NBAS: variants seen among roughly 807,000 people sequenced by gnomAD.
The protein encoded by NBAS is NBAS subunit of NRZ tethering complex, also known as NAG/BC035112 fusion.
NBAS carries 219 observed loss-of-function variants against 302.5 expected under a neutral mutation model. The ratio of observed to expected loss-of-function variants is 0.72; its 90% CI spans 0.65 to 0.81. The LOEUF (loss-of-function observed/expected upper bound fraction) is 0.81. NBAS is among the 30% of genes least tolerant of loss of function. The probability of loss-of-function intolerance (pLI) is 0.00; values close to 1 mark genes in which losing one functional copy is unlikely to be tolerated. For missense variants in NBAS, 2,932 were observed against 2,841.6 expected (o/e 1.03, Z -0.72); for synonymous variants, 1,118 against 1,021.6 (o/e 1.09, Z -1.80).
intron 21 of NBAS, among the ~76,000 whole-genome samples, chr2:15,444,955 A>T (rs1346694044): frequency 6.7e-6 from 1 of 149,842 alleles, no homozygotes; most frequent in African/African-American, 2.4e-5. Flanking sequence ...CCACAATGAG[A>T]TACCATCTCA....
intron 48 of NBAS, among the ~76,000 whole-genome samples, chr2:15,202,653 C>A (rs1464487270): frequency 6.6e-6 from 1 of 152,120 alleles, no homozygotes; most frequent in East Asian, 1.9e-4. Context: ...GATTCTACTG[C>A]CTCAGCCTCC....
the NBAS span, among the ~76,000 whole-genome samples, chr2:15,152,787 C>A: frequency 1.3e-5 from 2 of 152,200 alleles, no homozygotes; most frequent in Non-Finnish European, 1.5e-5. Context: ...ATATTTGCAG[C>A]AAGAAGTGGA....
the NBAS span, among the ~76,000 whole-genome samples, chr2:14,918,297 A>G: frequency 1.4e-5 from 2 of 143,028 alleles, no homozygotes; most frequent in Non-Finnish European, 3.0e-5. Context: ...GCCCTGGAGA[A>G]GGAAGAAATC....
intron 12 of NBAS, among the ~76,000 whole-genome samples, chr2:15,479,302 T>C (rs1680324738): frequency 2.6e-5 from 4 of 152,208 alleles, no homozygotes; most frequent in Admixed American, 2.6e-4. Context: ...AAACGATGAC[T>C]AAGTTTCGAA....
the NBAS span, among the ~76,000 whole-genome samples, chr2:14,851,590 A>G: frequency 2.4e-5 from 3 of 127,140 alleles, no homozygotes; most frequent in Non-Finnish European, 4.7e-5. Flanking sequence ...TGAGGCCAGC[A>G]TCATCCTGAT....
chr2:15,533,561 G>C (rs1663327271), intron 9 of NBAS, among the ~76,000 whole-genome samples: 1 of 152,106 alleles, frequency 6.6e-6, no homozygotes, highest in African/African-American at 2.4e-5. Flanking sequence ...ATATGAATGA[G>C]TGATAAAACT....
At chr2:15,561,100 C>CAA in intron 1 of NBAS, 88 bp downstream of exon 1, 1 of 1,011,462 alleles carries the variant, frequency 9.9e-7, no homozygotes, top group Non-Finnish European at 1.5e-6. Flanking sequence ...CCACCCGTCT[C>CAA]CACTCCCCTA....
the NBAS span, among the ~76,000 whole-genome samples, chr2:15,153,899 G>A: frequency 6.6e-6 from 1 of 152,212 alleles, no homozygotes; most frequent in Admixed American, 6.5e-5. Context: ...AAACTAAACA[G>A]TGCTGTACTA....
chr2:15,419,781 G>A (rs1416855949), intron 23 of NBAS, among the ~76,000 whole-genome samples: 2 of 151,636 alleles, frequency 1.3e-5, no homozygotes, highest in African/African-American at 4.9e-5. Context: ...GTGCGATCTC[G>A]GCTCACGGCA....
At chr2:14,873,246 A>C in the NBAS span, among the ~76,000 whole-genome samples, 2 of 150,660 alleles carry the variant, frequency 1.3e-5, no homozygotes, top group Non-Finnish European at 2.9e-5. Context: ...CTAGACACAG[A>C]GTGCTGACTG....
At chr2:15,282,325 G>A (rs981840118) in intron 42 of NBAS, among the ~76,000 whole-genome samples, 1 of 152,156 alleles carries the variant, frequency 6.6e-6, no homozygotes, top group Non-Finnish European at 1.5e-5. Context: ...ATTCTTTACA[G>A]TGTAGCAACC....
At position 15,287,006 on chromosome 2, in the gene NBAS, A is replaced by G. The variant is rs1670070464; in HGVS notation, c.5138+67T>C. The G allele has an allele frequency of 3.1e-6, 4 of 1,288,100 alleles. No homozygotes were observed. In the South Asian group the frequency reaches 4.8e-5, roughly 15 times the overall value. 79.8% of individuals were successfully genotyped at this position (1,288,100 alleles called of 1,614,324 possible). A position where few individuals can be genotyped will look rare whatever the true frequency, so the allele number is the denominator to read the frequency against. The stretch of plus-strand genomic sequence containing the variant: ...AAAATTGTACTTTACAACTTCTTCA[A>G]GAGTCTTCAAAAATAGACTCTAAAG... On this transcript the variant is annotated intron_variant, in intron 42 of 51. Coordinates refer to ENST00000281513, the MANE Select transcript of NBAS (RefSeq NM_015909.4).
Position 15,439,305 on chromosome 2 carries a change from T to TAAA in NBAS, c.2340-11514_2340-11512dup, listed in dbSNP as rs74898089. Among the ~76,000 whole-genome samples the TAAA allele has an allele frequency of 2.0e-3, 151 of 74,404 alleles. 1 individual carries two copies. The highest frequency in any genetic ancestry group is 6.3e-3 in the African/African-American group (141 of 22,258). The allele number at this position is 74,404 out of a possible 152,430, so 48.8% of individuals were successfully genotyped here. A position where few individuals can be genotyped will look rare whatever the true frequency, so the allele number is the denominator to read the frequency against. On this transcript the variant is annotated intron_variant, in intron 21 of 51. Transcript: ENST00000281513. ...CCAAAGAGCAAGACTCGGTCTCAAA[T>TAAA]AAAAAAAAAAAAAAAAAAAAGAATA...
chr2:14,829,273 C>T, the NBAS span, among the ~76,000 whole-genome samples: 20 of 152,008 alleles, frequency 1.3e-4, no homozygotes, highest in Non-Finnish European at 2.8e-4. Context: ...TTAGAAACAC[C>T]TATCTGTTCC....
chr2:14,926,852 C>T, the NBAS span, among the ~76,000 whole-genome samples: 2 of 152,184 alleles, frequency 1.3e-5, no homozygotes, highest in African/African-American at 2.4e-5. Flanking sequence ...CTCATCTAAG[C>T]GTGTGATGGT....
At chr2:14,984,071 T>C in the NBAS span, among the ~76,000 whole-genome samples, 1 of 152,116 alleles carries the variant, frequency 6.6e-6, no homozygotes, top group East Asian at 1.9e-4. Context: ...CAAAACAATA[T>C]ATAACCAATG....
the NBAS span, among the ~76,000 whole-genome samples, chr2:14,858,357 A>G: frequency 6.6e-6 from 1 of 152,078 alleles, no homozygotes. Context: ...AGATATCTGC[A>G]CTCCATATTC....
intron 48 of NBAS, among the ~76,000 whole-genome samples, chr2:15,198,111 G>GA (rs1665703110): frequency 6.6e-6 from 1 of 152,206 alleles, no homozygotes; most frequent in Non-Finnish European, 1.5e-5. Flanking sequence ...ACCACAGGAA[G>GA]AAAGTGTCAG....
At chr2:14,978,327 C>T in the NBAS span, among the ~76,000 whole-genome samples, 1 of 152,064 alleles carries the variant, frequency 6.6e-6, no homozygotes, top group Non-Finnish European at 1.5e-5. Flanking sequence ...TGTATCTTTC[C>T]CCAAAGTGTA....
Sources: gnomAD v4.1 joint callset for allele counts (sites outside exome capture counted in the v4.1 genomes callset) on GRCh38, gnomAD v4.1.1 for gene constraint, MANE v1.5 for transcripts, NCBI Gene and HGNC (gene_info 2026-07-23, HGNC 2026-07-21) for gene names.